Variants in FOXN3 observed in about 807,000 individuals in gnomAD.
The protein encoded by FOXN3 is forkhead box protein N3.
In FOXN3, 7 loss-of-function variants were observed where a neutral mutation model predicts 38.4. The ratio of observed to expected loss-of-function variants is 0.18; its 90% CI spans 0.10 to 0.34. FOXN3 has a LOEUF of 0.34. FOXN3 is among the 10% of genes least tolerant of loss of function. The probability of loss-of-function intolerance (pLI) is 1.00; values close to 1 mark genes in which losing one functional copy is unlikely to be tolerated. For synonymous variants in FOXN3, 230 were observed against 242.2 expected, an observed-to-expected ratio of 0.95 and a Z score of 0.47; for missense variants, 456 against 613.4, an observed-to-expected ratio of 0.74 and a Z score of 2.71.
intron 5 of FOXN3, among the ~76,000 whole-genome samples, chr14:89,173,232 G>A (rs1001777486): frequency 6.6e-6 from 1 of 152,138 alleles, no homozygotes. Context: ...TAGTAAAAAG[G>A]GAAATATAAA....
At chr14:89,363,965 T>TATATATATA (rs1555421718) in intron 2 of FOXN3, among the ~76,000 whole-genome samples, 4 of 39,598 alleles carry the variant, frequency 1.0e-4, no homozygotes, top group Non-Finnish European at 1.6e-4. Context: ...TATATATATA[T>TATATATATA]ATATATATAT....
chr14:89,600,045 T>C (rs1391188645), intron 1 of FOXN3, among the ~76,000 whole-genome samples: 4 of 152,250 alleles, frequency 2.6e-5, no homozygotes, highest in Non-Finnish European at 5.9e-5. Context: ...GGTTCTGCAA[T>C]TCCCCATTGC....
intron 4 of FOXN3, among the ~76,000 whole-genome samples, chr14:89,273,475 A>G (rs1331260444): frequency 6.6e-6 from 1 of 152,226 alleles, no homozygotes; most frequent in East Asian, 1.9e-4. Context: ...TCAGACAGGA[A>G]AATACAGGAT....
intron 3 of FOXN3, among the ~76,000 whole-genome samples, chr14:89,285,092 A>G (rs1319658258): frequency 2.6e-5 from 4 of 152,198 alleles, no homozygotes; most frequent in Non-Finnish European, 4.4e-5. Flanking sequence ...TTATAAACCA[A>G]GACCCTGGAA....
At position 89,294,261 on chromosome 14, in the gene FOXN3, C is replaced by CT. The variant is rs1307380852; in HGVS notation, c.681-13248dup. Among the ~76,000 whole-genome samples the CT allele has an allele frequency of 2.0e-5, 3 of 152,150 alleles. No individual in the cohort carries two copies. The South Asian group carries it at 6.2e-4, about 31-fold the overall frequency. On this transcript the variant is annotated intron_variant, in intron 3 of 5. Coordinates refer to ENST00000557258, the MANE Select transcript of FOXN3 (RefSeq NM_005197.4). The stretch of plus-strand genomic sequence containing the variant: ...CAGCAGCATTCTCAAAGCACAATAT[C>CT]TTCAGGCACAGTCCCCAGGGCTTGC...
intron 3 of FOXN3, among the ~76,000 whole-genome samples, chr14:89,333,966 G>GTATATATATATA (rs71130055): frequency 7.6e-5 from 10 of 131,546 alleles, no homozygotes; most frequent in African/African-American, 2.9e-4. Flanking sequence ...AATGTGGTGT[G>GTATATATATATA]TATATATATA....
At chr14:89,497,670 T>C (rs1893714332) in intron 1 of FOXN3, among the ~76,000 whole-genome samples, 1 of 152,206 alleles carries the variant, frequency 6.6e-6, no homozygotes, top group African/African-American at 2.4e-5. Context: ...CCCCAAGTGC[T>C]GGGATTACAG....
chr14:89,427,612 C>T (rs1329009230), intron 1 of FOXN3, among the ~76,000 whole-genome samples: 1 of 151,678 alleles, frequency 6.6e-6, no homozygotes, highest in Non-Finnish European at 1.5e-5. Context: ...GCCACCGTGC[C>T]CGGCCAGGAC....
At chr14:89,569,736 T>A (rs1485992402) in intron 1 of FOXN3, among the ~76,000 whole-genome samples, 1 of 152,156 alleles carries the variant, frequency 6.6e-6, no homozygotes, top group African/African-American at 2.4e-5. Context: ...AGAGGAGTCA[T>A]CTATACAACA....
chr14:89,196,413 T>C (rs982079944), intron 4 of FOXN3, among the ~76,000 whole-genome samples: 1 of 152,198 alleles, frequency 6.6e-6, no homozygotes, highest in African/African-American at 2.4e-5. Flanking sequence ...CTGCTGACTT[T>C]CCTTTCATTT....
At chr14:89,500,696 A>G (rs1893778581) in intron 1 of FOXN3, among the ~76,000 whole-genome samples, 1 of 152,140 alleles carries the variant, frequency 6.6e-6, no homozygotes. Context: ...GAAAGCAGGT[A>G]TTGTAACCAG....
chr14:89,450,807 G>C (rs982147778), intron 1 of FOXN3, among the ~76,000 whole-genome samples: 1 of 152,006 alleles, frequency 6.6e-6, no homozygotes, highest in African/African-American at 2.4e-5. Flanking sequence ...GGATGGTCTC[G>C]ATCTCCTGAT....
intron 3 of FOXN3, among the ~76,000 whole-genome samples, chr14:89,344,414 C>T (rs187249316): frequency 4.6e-5 from 7 of 152,246 alleles, no homozygotes. Context: ...CTCTGAAAAC[C>T]AATCATCCAG....
chr14:89,179,298 G>A (rs377401150), intron 5 of FOXN3, among the ~76,000 whole-genome samples: 16 of 152,182 alleles, frequency 1.1e-4, no homozygotes, highest in African/African-American at 3.9e-4. Flanking sequence ...AAGATTATGC[G>A]ACTTGTCCTG....
At chr14:89,176,750 C>T (rs1887529313) in intron 5 of FOXN3, among the ~76,000 whole-genome samples, 1 of 152,210 alleles carries the variant, frequency 6.6e-6, no homozygotes, top group African/African-American at 2.4e-5. Context: ...GGGTTTTACA[C>T]AGACACTGAT....
At chr14:89,576,312 C>T (rs538479632) in intron 1 of FOXN3, 4 of 152,320 alleles carry the variant, frequency 2.6e-5, no homozygotes, top group African/African-American at 4.8e-5. Flanking sequence ...CCCCTGCGTA[C>T]TCATGTGATT....
chr14:89,363,947 A>AATAAATATATATATATATAT (rs1198064384), intron 2 of FOXN3, among the ~76,000 whole-genome samples: 2 of 111,366 alleles, frequency 1.8e-5, no homozygotes, highest in African/African-American at 1.0e-4. Flanking sequence ...CTGTCTGTAA[A>AATAAATATATATATATATAT]ATATATATAT....
At chr14:89,369,953 T>C (rs1043501220) in intron 2 of FOXN3, among the ~76,000 whole-genome samples, 3 of 152,248 alleles carry the variant, frequency 2.0e-5, no homozygotes, top group Admixed American at 6.5e-5. Context: ...CACCACTGCA[T>C]AGCTGCAACA....
At chr14:89,590,718 A>G (rs1895933646) in intron 1 of FOXN3, among the ~76,000 whole-genome samples, 1 of 152,208 alleles carries the variant, frequency 6.6e-6, no homozygotes, top group African/African-American at 2.4e-5. Flanking sequence ...AAAGAAGGAC[A>G]TAGAAACCAG....
Sources: gnomAD v4.1 joint callset for allele counts (sites outside exome capture counted in the v4.1 genomes callset) on GRCh38, gnomAD v4.1.1 for gene constraint, MANE v1.5 for transcripts, NCBI Gene and HGNC (gene_info 2026-07-23, HGNC 2026-07-21) for gene names.